FAM114A1: variants seen among roughly 807,000 people sequenced by gnomAD.
The protein encoded by FAM114A1 is protein NOXP20.
A neutral mutation model predicts 64.3 loss-of-function variants in FAM114A1; 62 were observed. That is an observed-to-expected ratio of 0.96 (90% CI 0.79 to 1.19). The LOEUF (loss-of-function observed/expected upper bound fraction) is 1.19, where lower values mean the gene tolerates loss of function less well. Ranked by LOEUF, FAM114A1 falls within the 50% of genes most tolerant of loss-of-function variation. FAM114A1 has a pLI of 0.00. For missense variants in FAM114A1, 645 were observed against 676.3 expected (o/e 0.95, Z 0.51); for synonymous variants, 254 against 251.1 (o/e 1.01, Z -0.11).
Position 38,878,168 on chromosome 4 carries a change from A to G in FAM114A1, c.90A>G (p.Ala30=), listed in dbSNP as rs757925038. ...ATAGTGATTCTTTACCTGAGGATGC[A>G]GAAGTGCATTGTGATTCAGCTGCAG... ...MPNSDSLPED[A]EVHCDSAAVS... is the part of the protein sequence containing the mutation. Residue 30 remains alanine, a synonymous_variant, in exon 3 of 15, where the codon GCA becomes GCG. Coordinates refer to ENST00000358869, the MANE Select transcript of FAM114A1 (RefSeq NM_138389.4). 4.4e-5 allele frequency: 71 copies of G among 1,614,128 alleles called. No individual in the cohort carries two copies. The highest frequency in any genetic ancestry group is 5.5e-5 in the Non-Finnish European group (65 of 1,180,048).
intron 4 of FAM114A1, among the ~76,000 whole-genome samples, chr4:38,896,248 C>A (rs1178511574): frequency 1.3e-5 from 2 of 152,166 alleles, no homozygotes; most frequent in Admixed American, 6.5e-5. Context: ...CACCACTGAT[C>A]ATCACTACCC....
chr4:38,927,345 C>G (rs1477785669), intron 9 of FAM114A1, among the ~76,000 whole-genome samples: 1 of 152,182 alleles, frequency 6.6e-6, no homozygotes, highest in Admixed American at 6.5e-5. Flanking sequence ...GATTCTGTGT[C>G]TAATGAGGTC....
chr4:38,917,411 C>A (rs560971811), intron 8 of FAM114A1, among the ~76,000 whole-genome samples: 9 of 151,450 alleles, frequency 5.9e-5, no homozygotes, highest in South Asian at 2.1e-4. Context: ...TGATTTTGGA[C>A]CCCCTTACCT....
chr4:38,928,121 C>G (rs1038693713), intron 9 of FAM114A1, among the ~76,000 whole-genome samples: 1 of 151,166 alleles, frequency 6.6e-6, no homozygotes, highest in Non-Finnish European at 1.5e-5. Context: ...TGCAGATCAA[C>G]CATTTTGTCC....
Position 38,945,539 on chromosome 4 carries a change from A to G in FAM114A1, c.*1982A>G, listed in dbSNP as rs184563285. 1 of 152,352 alleles carries G rather than the reference A, an allele frequency of 6.6e-6. No homozygotes were observed. The highest frequency in any genetic ancestry group is 2.4e-5 in the African/African-American group (1 of 41,582). The allele number at this position is 152,352 out of a possible 1,614,324, so 9.4% of individuals were successfully genotyped here. On this transcript the variant is annotated 3_prime_UTR_variant, in exon 15 of 15. Transcript: ENST00000358869. Reference sequence around the variant, plus strand: ...TATTCACATTTGCTTTGATTCCCCGATGGAGTAGACTGCCTTTGTTCCATA... The same window carrying G: ...TATTCACATTTGCTTTGATTCCCCGGTGGAGTAGACTGCCTTTGTTCCATA...
chr4:38,909,297 G>C (rs1560310884), intron 7 of FAM114A1, among the ~76,000 whole-genome samples: 1 of 152,186 alleles, frequency 6.6e-6, no homozygotes, highest in Non-Finnish European at 1.5e-5. Flanking sequence ...AGTTAGAATA[G>C]AACCCAGCTC....
intron 9 of FAM114A1, among the ~76,000 whole-genome samples, chr4:38,923,600 T>C (rs374679435): frequency 7.4e-4 from 112 of 152,344 alleles, no homozygotes; most frequent in African/African-American, 2.6e-3. Context: ...AATCTTTCCC[T>C]GAATTTTTTT....
chr4:38,873,765 T>C (rs1008583664), intron 2 of FAM114A1, among the ~76,000 whole-genome samples: 3 of 152,090 alleles, frequency 2.0e-5, no homozygotes, highest in African/African-American at 7.2e-5. Flanking sequence ...CATTTAAGGT[T>C]TTATAGGAAA....
Position 38,878,328 on chromosome 4 carries a change from G to A in FAM114A1, c.250G>A (p.Gly84Arg), listed in dbSNP as rs11096964. The part of the protein sequence containing the change: ...DANALEPPLN[G>R]DVTEDTLAEC... The stretch of plus-strand genomic sequence containing the variant: ...CAACGCCCTGGAGCCCCCTCTCAAT[G>A]GAGACGTGACTGAGGATACACTTGC... Residue 84 changes from glycine to arginine, a missense_variant, in exon 3 of 15, where the codon GGA (glycine) becomes AGA (arginine). Coordinates refer to ENST00000358869, the MANE Select transcript of FAM114A1 (RefSeq NM_138389.4). The A allele has an allele frequency of 0.27, 428,850 of 1,613,980 alleles. 59,769 individuals carry two copies. The highest frequency in any genetic ancestry group is 0.31 in the African/African-American group (23,336 of 75,008).
intron 4 of FAM114A1, among the ~76,000 whole-genome samples, chr4:38,900,430 G>A (rs1413078937): frequency 6.6e-6 from 1 of 152,058 alleles, no homozygotes; most frequent in Non-Finnish European, 1.5e-5. Context: ...GGGTCCCAGG[G>A]AGATATTTGT....
intron 4 of FAM114A1, among the ~76,000 whole-genome samples, chr4:38,903,409 C>G (rs1037993588): frequency 6.6e-6 from 1 of 152,166 alleles, no homozygotes; most frequent in African/African-American, 2.4e-5. Flanking sequence ...GATGTGTGAT[C>G]ATCTTTCTTG....
chr4:38,916,975 T>A (rs1425870568), intron 8 of FAM114A1, among the ~76,000 whole-genome samples: 2 of 151,788 alleles, frequency 1.3e-5, no homozygotes, highest in Admixed American at 6.6e-5. Context: ...TCCGATAAAT[T>A]CAGAATCCAA....
intron 12 of FAM114A1, among the ~76,000 whole-genome samples, chr4:38,935,388 G>T (rs146146497): frequency 1.3e-5 from 2 of 152,000 alleles, no homozygotes; most frequent in Non-Finnish European, 2.9e-5. Flanking sequence ...GAAACCAGCC[G>T]TCTGGCCAGA....
intron 2 of FAM114A1, among the ~76,000 whole-genome samples, chr4:38,874,080 G>A (rs893690634): frequency 6.6e-6 from 1 of 152,206 alleles, no homozygotes; most frequent in African/African-American, 2.4e-5. Context: ...CTGACTGAAT[G>A]TAAGAAAAGA....
At chr4:38,873,358 T>G (rs1214473789) in intron 2 of FAM114A1, among the ~76,000 whole-genome samples, 2 of 152,218 alleles carry the variant, frequency 1.3e-5, no homozygotes, top group Non-Finnish European at 2.9e-5. Context: ...TGGAACCATC[T>G]GCTGTAAGAG....
intron 4 of FAM114A1, among the ~76,000 whole-genome samples, chr4:38,905,076 A>G (rs928672583): frequency 1.5e-4 from 23 of 152,186 alleles, no homozygotes; most frequent in African/African-American, 5.3e-4. Context: ...CTCAGGGAGC[A>G]GGGATTCCTC....
intron 2 of FAM114A1, among the ~76,000 whole-genome samples, chr4:38,870,562 C>T (rs1340906833): frequency 1.3e-5 from 2 of 152,222 alleles, no homozygotes; most frequent in East Asian, 3.9e-4. Flanking sequence ...CTAACTTATT[C>T]CCAGCCCACA....
chr4:38,893,103 C>T lies in FAM114A1; in HGVS notation c.436+1273C>T, dbSNP rs529981203. 5.9e-5 allele frequency among the ~76,000 whole-genome samples: 9 copies of T among 152,302 alleles called. No individual in the cohort carries two copies. In the South Asian group the frequency reaches 1.2e-3, roughly 21 times the overall value. ...AAATTTAACTAAATTCAAGTAGAGG[C>T]GCCTGTTTTGTTTTCTGAACAGGAT... is the stretch of plus-strand genomic sequence containing the variant. On this transcript the variant is annotated intron_variant, in intron 4 of 14. Coordinates refer to ENST00000358869, the MANE Select transcript of FAM114A1 (RefSeq NM_138389.4).
In FAM114A1 at chr4:38,943,558, C is replaced by T; in HGVS notation, c.*1C>T. 2.5e-6 allele frequency: 4 copies of T among 1,613,460 alleles called. No individual in the cohort carries two copies. Among genetic ancestry groups the T allele is most frequent in the Non-Finnish European group, 3.4e-6 (4 of 1,179,624 alleles). On this transcript the variant is annotated 3_prime_UTR_variant, in exon 15 of 15. Coordinates refer to ENST00000358869, the MANE Select transcript of FAM114A1 (RefSeq NM_138389.4). ...CAGTTGTTTGAAAGCACAGCCGTGACCTGGCCAGACTCCATCTAGTTAAAG... is the reference window on the plus strand; with the variant it reads ...CAGTTGTTTGAAAGCACAGCCGTGATCTGGCCAGACTCCATCTAGTTAAAG...
Sources: gnomAD v4.1 joint callset for allele counts (sites outside exome capture counted in the v4.1 genomes callset) on GRCh38, gnomAD v4.1.1 for gene constraint, MANE v1.5 for transcripts, NCBI Gene and HGNC (gene_info 2026-07-23, HGNC 2026-07-21) for gene names.